The following RBM10 variants were observed in gnomAD, a reference collection of about 807,000 sequenced individuals.
RBM10 encodes RNA binding motif protein 10.
RBM10 carries 1 observed loss-of-function variant against 84.9 expected under a neutral mutation model. The ratio of observed to expected loss-of-function variants is 0.01; its 90% CI spans 0.00 to 0.06. RBM10 has a LOEUF of 0.06. Ranked by LOEUF, RBM10 falls within the 10% of genes least tolerant of loss-of-function variation. The probability of loss-of-function intolerance (pLI) is 1.00; values close to 1 mark genes in which losing one functional copy is unlikely to be tolerated. For synonymous variants in RBM10, 326 were observed against 344.5 expected, an observed-to-expected ratio of 0.95 and a Z score of 0.60; for missense variants, 438 against 839.0, an observed-to-expected ratio of 0.52 and a Z score of 5.90.
intron 2 of RBM10, chrX:47,157,280 G>A: frequency 3.0e-6 from 1 of 329,112 alleles, no homozygotes. Context: ...TGTAGGACTT[G>A]CTGACCACGA....
chrX:47,170,012 C>T (rs1934525512), intron 3 of RBM10, among the ~76,000 whole-genome samples: 1 of 112,834 alleles, frequency 8.9e-6, no homozygotes, highest in South Asian at 3.6e-4. Context: ...CCCTAGCCTG[C>T]GGGATGAGGC....
chrX:47,182,574 G>A (rs1285959771), intron 17 of RBM10, among the ~76,000 whole-genome samples: 8 of 113,339 alleles, frequency 7.1e-5, no homozygotes, highest in African/African-American at 2.2e-4. Context: ...ATCCGAGTGA[G>A]CCCTGTCAGG....
chrX:47,165,465 A>C (rs1934101790), intron 2 of RBM10, among the ~76,000 whole-genome samples: 2 of 101,468 alleles, frequency 2.0e-5, no homozygotes, highest in African/African-American at 7.3e-5. Context: ...CAGTGAGCCA[A>C]GATTGCGCCA....
intron 1 of RBM10, 138 bp from the exon 2 acceptor site, chrX:47,147,219 A>T: frequency 1.6e-6 from 1 of 641,188 alleles, no homozygotes; most frequent in Non-Finnish European, 2.5e-6. Flanking sequence ...TCATACTGTG[A>T]TGCACAGGAG....
At chrX:47,154,452 T>C (rs1851633916) in intron 2 of RBM10, among the ~76,000 whole-genome samples, 1 of 108,149 alleles carries the variant, frequency 9.2e-6, no homozygotes, top group South Asian at 4.0e-4. Flanking sequence ...TGTTTGTTTG[T>C]TTGTTTGTTT....
chrX:47,165,214 T>G (rs1934072737), intron 2 of RBM10, among the ~76,000 whole-genome samples: 1 of 111,611 alleles, frequency 9.0e-6, no homozygotes, highest in South Asian at 3.7e-4. Context: ...TGCCACTGAA[T>G]TAGATAATTA....
At chrX:47,172,525 C>G (rs1344125862) in intron 4 of RBM10, among the ~76,000 whole-genome samples, 2 of 112,287 alleles carry the variant, frequency 1.8e-5, no homozygotes, top group Non-Finnish European at 3.8e-5. Context: ...CAGTTTCCCT[C>G]TGGCCTACTC....
Position 47,186,046 on chromosome X carries a change from T to G in RBM10, c.2431-19T>G. On this transcript the variant is annotated intron_variant, in intron 21 of 23. Transcript: ENST00000377604. ...AGAGACCAGCTCCCCAACATTCACA[T>G]ACACATACAAACTTTCAGCAAATGA... The G allele has an allele frequency of 8.3e-7, 1 of 1,208,955 alleles. No individual in the cohort carries two copies. Among genetic ancestry groups the G allele is most frequent in the East Asian group, 3.0e-5 (1 of 33,849 alleles).
In RBM10 at chrX:47,145,251, C is replaced by A. The variant is rs1315166381; in HGVS notation, c.-360C>A. ...GTGGATGGTGGTCGGAGCGCCGACT[C>A]CCTTCTCGTCGTCGCCATTTTGAGC... On this transcript the variant is annotated 5_prime_UTR_variant, in exon 1 of 24. Coordinates refer to ENST00000377604, the MANE Select transcript of RBM10 (RefSeq NM_005676.5). 2.1e-6 allele frequency: 1 copy of A among 484,440 alleles called. No homozygotes were observed. The highest frequency in any genetic ancestry group is 2.3e-5 in the African/African-American group (1 of 43,076). 39.9% of individuals were successfully genotyped at this position (484,440 alleles called of 1,213,427 possible).
chrX:47,151,123 G>A (rs782445716), intron 2 of RBM10, among the ~76,000 whole-genome samples: 17 of 106,406 alleles, frequency 1.6e-4, no homozygotes, highest in Admixed American at 4.1e-4. Flanking sequence ...GTGCAGTGGC[G>A]ACCTCCACAG....
At chrX:47,184,611 C>T (rs1273603493) in intron 17 of RBM10, among the ~76,000 whole-genome samples, 4 of 110,619 alleles carry the variant, frequency 3.6e-5, no homozygotes, top group African/African-American at 1.3e-4. Context: ...TCTGATTGTT[C>T]TGCCTCAGCT....
chrX:47,179,201 G>A (rs2147165619), intron 8 of RBM10, 38 bp downstream of exon 8: 1 of 1,202,269 alleles, frequency 8.3e-7, no homozygotes, highest in Non-Finnish European at 1.1e-6. Context: ...CCAGGGCGGA[G>A]CGGTTGGGGA....
chrX:47,186,555 A>T lies in RBM10; in HGVS notation c.2749A>T (p.Thr917Ser). The change falls in exon 24 of 24, where the codon ACA becomes TCA. Residue 917 changes from threonine to serine, a missense_variant. This residue lies in a region of RBM10 where 92 missense variants were observed against 199.9 expected (regional missense o/e 0.46). Coordinates refer to ENST00000377604, the MANE Select transcript of RBM10 (RefSeq NM_005676.5). ...GVTSTESYKETLHKTMVTRFN... is the reference protein window; with the variant it reads ...GVTSTESYKESLHKTMVTRFN... ...CACCTCAACCGAGTCCTACAAGGAG[A>T]CACTGCACAAGACAATGGTGACCCG... is the stretch of plus-strand genomic sequence containing the variant. 1 of 1,211,785 alleles carries T rather than the reference A, an allele frequency of 8.3e-7. No homozygotes were observed. Among genetic ancestry groups the T allele is most frequent in the Non-Finnish European group, 1.1e-6 (1 of 895,424 alleles).
In RBM10 at chrX:47,170,482, G is replaced by A. The variant is rs141016680; in HGVS notation, c.202-546G>A. Among the ~76,000 whole-genome samples the A allele has an allele frequency of 8.7e-3, 990 of 113,194 alleles. 9 individuals are homozygous for A. Among genetic ancestry groups the A allele is most frequent in the African/African-American group, 0.03 (950 of 31,243 alleles). The stretch of plus-strand genomic sequence containing the variant: ...GGTGTGTGGTGGAGGACTGGCCAAG[G>A]CTGAGGATCAGGGACTGAGGAGGGA... On this transcript the variant is annotated intron_variant, in intron 3 of 23. Coordinates refer to ENST00000377604, the MANE Select transcript of RBM10 (RefSeq NM_005676.5).
intron 2 of RBM10, among the ~76,000 whole-genome samples, chrX:47,156,335 A>G (rs1164922286): frequency 1.8e-5 from 2 of 110,836 alleles, no homozygotes; most frequent in African/African-American, 6.6e-5. Flanking sequence ...TCTTTTTTTA[A>G]AAGTTCAACT....
At chrX:47,147,183 A>G (rs1932329858) in intron 1 of RBM10, among the ~76,000 whole-genome samples, 174 bp from the exon 2 acceptor site, 1 of 111,728 alleles carries the variant, frequency 9.0e-6, no homozygotes, top group South Asian at 3.7e-4. Context: ...GGGGAAAGGG[A>G]GGAGCAGGCC....
chrX:47,161,270 G>A (rs1933657087), intron 2 of RBM10, among the ~76,000 whole-genome samples: 1 of 110,962 alleles, frequency 9.0e-6, no homozygotes, highest in African/African-American at 3.3e-5. Flanking sequence ...AAGGAGACTG[G>A]ATTTGGTCCA....
chrX:47,145,549 C>T (rs2147056303), intron 1 of RBM10, 64 bp downstream of exon 1: 1 of 1,004,436 alleles, frequency 1.0e-6, no homozygotes, highest in Non-Finnish European at 1.3e-6. Context: ...GTAGAGGAGG[C>T]GCGAGGGCGG....
At chrX:47,179,570 T>G in intron 9 of RBM10, 75 bp downstream of exon 9, 2 of 1,048,679 alleles carry the variant, frequency 1.9e-6, no homozygotes, top group South Asian at 3.9e-5. Flanking sequence ...GAAATGGCAG[T>G]GAGCAGGACC....
Sources: allele counts gnomAD v4.1 joint callset (sites outside exome capture counted in the v4.1 genomes callset), GRCh38; gene constraint gnomAD v4.1.1; regional missense constraint gnomAD v4.1.1; transcripts MANE v1.5; gene names NCBI Gene and HGNC (gene_info 2026-07-23, HGNC 2026-07-21).